The following SMAD5 variants were observed in gnomAD, a reference collection of about 807,000 sequenced individuals.
The protein encoded by SMAD5 is SMAD family member 5, also known as MAD, mothers against decapentaplegic homolog 5.
In SMAD5, 9 loss-of-function variants were observed where a neutral mutation model predicts 43.1. That is an observed-to-expected ratio of 0.21 (90% CI 0.13 to 0.36). The LOEUF (loss-of-function observed/expected upper bound fraction) is 0.36, where lower values mean the gene tolerates loss of function less well. Ranked by LOEUF, SMAD5 falls within the 10% of genes least tolerant of loss-of-function variation. SMAD5 has a pLI of 1.00. For missense variants in SMAD5, 348 were observed against 574.0 expected, an observed-to-expected ratio of 0.61 and a Z score of 4.02; for synonymous variants, 190 against 192.4, an observed-to-expected ratio of 0.99 and a Z score of 0.10.
Position 136,163,269 on chromosome 5 carries a change from TAGC to T in SMAD5, c.656-2_656del. 2 of 1,602,512 alleles carry T rather than the reference TAGC, an allele frequency of 1.2e-6. No individual in the cohort carries two copies. The highest frequency in any genetic ancestry group is 1.7e-5 in the Admixed American group (1 of 57,922). ...TTTTAATTATTATTTTTTTTCCTCTTAGCTGATACGCCTCCTCCTGCCTATATG... is the reference window on the plus strand; with the variant it reads ...TTTTAATTATTATTTTTTTTCCTCTTTGATACGCCTCCTCCTGCCTATATG... On this transcript the variant is annotated splice_acceptor_variant and coding_sequence_variant, in exon 5 of 8. Coordinates refer to ENST00000545279, the MANE Select transcript of SMAD5 (RefSeq NM_005903.7). LOFTEE classifies it high-confidence loss of function.
intron 5 of SMAD5, among the ~76,000 whole-genome samples, chr5:136,168,959 A>G (rs545436304): frequency 6.6e-6 from 1 of 152,114 alleles, no homozygotes; most frequent in Non-Finnish European, 1.5e-5. Flanking sequence ...TATATGTAAT[A>G]TATATGAAAG....
At chr5:136,144,838 A>G (rs1271527862) in intron 1 of SMAD5, among the ~76,000 whole-genome samples, 5 of 151,914 alleles carry the variant, frequency 3.3e-5, no homozygotes, top group African/African-American at 7.2e-5. Flanking sequence ...AGTACCAAGG[A>G]TACAAATCAT....
At chr5:136,139,849 C>A (rs1027444668) in intron 1 of SMAD5, among the ~76,000 whole-genome samples, 4 of 152,080 alleles carry the variant, frequency 2.6e-5, no homozygotes, top group African/African-American at 9.7e-5. Flanking sequence ...GCATGTGCCA[C>A]TGCACCTGGC....
chr5:136,173,329 T>C (rs1331434431), intron 6 of SMAD5, among the ~76,000 whole-genome samples: 1 of 152,206 alleles, frequency 6.6e-6, no homozygotes, highest in Non-Finnish European at 1.5e-5. Flanking sequence ...GTAAAGTGTA[T>C]TGCCTGTTTC....
At chr5:136,156,887 C>CTCATG (rs1219865285) in intron 3 of SMAD5, among the ~76,000 whole-genome samples, 2 of 152,120 alleles carry the variant, frequency 1.3e-5, no homozygotes, top group Non-Finnish European at 2.9e-5. Flanking sequence ...CTATAGAGAC[C>CTCATG]TCATGTTTCG....
chr5:136,151,032 A>T (rs1282373050), intron 2 of SMAD5, among the ~76,000 whole-genome samples: 1 of 151,958 alleles, frequency 6.6e-6, no homozygotes, highest in Admixed American at 6.6e-5. Context: ...TTATTCTCTG[A>T]TATCATAGAT....
chr5:136,147,081 A>G (rs1018700939), intron 1 of SMAD5, among the ~76,000 whole-genome samples: 1 of 151,700 alleles, frequency 6.6e-6, no homozygotes, highest in Non-Finnish European at 1.5e-5. Flanking sequence ...AATATTTTTT[A>G]AGGAAAAATA....
At position 136,178,003 on chromosome 5, in the gene SMAD5, T is replaced by C. The variant is rs1291655751; in HGVS notation, c.*523T>C. On this transcript the variant is annotated 3_prime_UTR_variant, in exon 8 of 8. Coordinates refer to ENST00000545279, the MANE Select transcript of SMAD5 (RefSeq NM_005903.7). Reference sequence around the variant, plus strand: ...AAGAAACTATAAAGTTTTATTTGAATGAACACTATGCACTGCTGTAACTGG... The same window carrying C: ...AAGAAACTATAAAGTTTTATTTGAACGAACACTATGCACTGCTGTAACTGG... 1 of 153,290 alleles carries C rather than the reference T, an allele frequency of 6.5e-6. No individual in the cohort carries two copies. Among genetic ancestry groups the C allele is most frequent in the African/African-American group, 2.4e-5 (1 of 41,450 alleles). 9.5% of individuals were successfully genotyped at this position (153,290 alleles called of 1,614,324 possible).
intron 1 of SMAD5, among the ~76,000 whole-genome samples, chr5:136,139,441 A>C (rs568816180): frequency 6.6e-6 from 1 of 152,224 alleles, no homozygotes; most frequent in East Asian, 1.9e-4. Flanking sequence ...GTCAAACCCC[A>C]TTCTTCCAGT....
chr5:136,169,082 C>G (rs1166852876), intron 5 of SMAD5, among the ~76,000 whole-genome samples: 1 of 152,118 alleles, frequency 6.6e-6, no homozygotes. Flanking sequence ...AGCCCAAAAC[C>G]TCAAAAGTAG....
intron 1 of SMAD5, among the ~76,000 whole-genome samples, chr5:136,143,457 A>C (rs933526214): frequency 3.3e-5 from 5 of 151,970 alleles, no homozygotes; most frequent in African/African-American, 1.2e-4. Context: ...CGGCACATAG[A>C]ACTACTTCTA....
intron 3 of SMAD5, among the ~76,000 whole-genome samples, chr5:136,157,952 A>T (rs1753696553): frequency 2.0e-5 from 3 of 152,158 alleles, no homozygotes; most frequent in Admixed American, 2.0e-4. Context: ...CCTTTCTGAG[A>T]TTTAGTTTCC....
At chr5:136,176,341 G>C (rs1379283084) in intron 7 of SMAD5, among the ~76,000 whole-genome samples, 1 of 151,114 alleles carries the variant, frequency 6.6e-6, no homozygotes, top group Non-Finnish European at 1.5e-5. Context: ...TGTAATCCCA[G>C]CTACTAGGGA....
intron 1 of SMAD5, among the ~76,000 whole-genome samples, chr5:136,137,269 G>GA (rs1752916609): frequency 9.9e-6 from 1 of 101,266 alleles, no homozygotes; most frequent in African/African-American, 4.6e-5. Context: ...AATTTTTTGG[G>GA]ACCCCCCCCC....
chr5:136,138,469 C>A (rs1328662080), intron 1 of SMAD5, among the ~76,000 whole-genome samples: 1 of 152,196 alleles, frequency 6.6e-6, no homozygotes, highest in Admixed American at 6.5e-5. Context: ...ATTTCTGAAT[C>A]TAGAAGAGCT....
chr5:136,154,810 A>G (rs1420740472), intron 3 of SMAD5, among the ~76,000 whole-genome samples: 1 of 152,064 alleles, frequency 6.6e-6, no homozygotes, highest in Non-Finnish European at 1.5e-5. Flanking sequence ...TCAAGGGGTC[A>G]TTTTTGAGTC....
Position 136,177,982 on chromosome 5 carries a change from A to G in SMAD5, c.*502A>G, listed in dbSNP as rs1029031979. 1.3e-5 allele frequency: 2 copies of G among 153,296 alleles called. No homozygotes were observed. The highest frequency in any genetic ancestry group is 4.8e-5 in the African/African-American group (2 of 41,468). The allele number at this position is 153,296 out of a possible 1,614,324, so 9.5% of individuals were successfully genotyped here. ...AAGTGTATGGTAGGGGCTTAAAAGA[A>G]ACTATAAAGTTTTATTTGAATGAAC... On this transcript the variant is annotated 3_prime_UTR_variant, in exon 8 of 8. Coordinates refer to ENST00000545279, the MANE Select transcript of SMAD5 (RefSeq NM_005903.7).
At chr5:136,139,957 C>T (rs1753018101) in intron 1 of SMAD5, among the ~76,000 whole-genome samples, 1 of 151,946 alleles carries the variant, frequency 6.6e-6, no homozygotes, top group Admixed American at 6.6e-5. Context: ...AAGTGATTCT[C>T]CTGCCTTGGC....
intron 1 of SMAD5, among the ~76,000 whole-genome samples, chr5:136,146,495 AAG>A (rs746541767): frequency 9.2e-5 from 14 of 151,806 alleles, no homozygotes; most frequent in Non-Finnish European, 1.6e-4. Context: ...CTTTTCAGGA[AAG>A]AGACTCAAAA....
Sources: allele counts gnomAD v4.1 joint callset (sites outside exome capture counted in the v4.1 genomes callset), GRCh38; gene constraint gnomAD v4.1.1; transcripts MANE v1.5; gene names NCBI Gene and HGNC (gene_info 2026-07-23, HGNC 2026-07-21).